DERA: variants seen among roughly 807,000 people sequenced by gnomAD.
The protein encoded by DERA is 2-deoxy-D-ribose 5-phosphate aldolase.
A neutral mutation model predicts 41.1 loss-of-function variants in DERA; 15 were observed. The observed-to-expected ratio is 0.37, with a 90% CI of 0.24 to 0.56. The LOEUF is 0.56. DERA is among the 20% of genes least tolerant of loss of function. The pLI, the probability that DERA is intolerant of heterozygous loss-of-function variation, is 0.81. For missense variants in DERA, 396 were observed against 403.4 expected (o/e 0.98, Z 0.16); for synonymous variants, 139 against 137.4 (o/e 1.01, Z -0.08).
intron 1 of DERA, among the ~76,000 whole-genome samples, chr12:15,920,881 G>A (rs1948238696): frequency 6.6e-6 from 1 of 152,176 alleles, no homozygotes; most frequent in Admixed American, 6.5e-5. Flanking sequence ...TTGTATTATG[G>A]GGAGAAAGCC....
chr12:16,034,985 A>G (rs1037858639), intron 7 of DERA, among the ~76,000 whole-genome samples: 4 of 152,210 alleles, frequency 2.6e-5, no homozygotes, highest in Non-Finnish European at 5.9e-5. Flanking sequence ...CCAGAGTAAT[A>G]GCAGATATGG....
intron 6 of DERA, among the ~76,000 whole-genome samples, chr12:16,025,121 G>T (rs950056591): frequency 2.6e-5 from 4 of 151,980 alleles, no homozygotes; most frequent in Admixed American, 2.0e-4. Context: ...GCTCAATTAA[G>T]CCAGGAAAGG....
At position 15,911,530 on chromosome 12, in the gene DERA, T is replaced by A. The variant is rs767424645; in HGVS notation, c.31+116T>A. On this transcript the variant is annotated intron_variant, in intron 1 of 8. Coordinates refer to ENST00000428559, the MANE Select transcript of DERA (RefSeq NM_015954.4). This position sits in a 1 kb window ranked among gnomAD's most constrained non-coding sequence, Gnocchi z 4.5. ...CTGTGGGTCCCCGAGGGGTTTTCGC[T>A]GGGGCGGGAAGCAGTGGCGTCTGGT... 1.8e-6 allele frequency: 2 copies of A among 1,088,816 alleles called. No homozygotes were observed. Among genetic ancestry groups the A allele is most frequent in the South Asian group, 1.6e-5 (1 of 61,554 alleles). 67.4% of individuals were successfully genotyped at this position (1,088,816 alleles called of 1,614,324 possible). A position where few individuals can be genotyped will look rare whatever the true frequency, so the allele number is the denominator to read the frequency against.
rs773245694 is a variant in DERA, at chr12:15,936,509, C to T, written c.32-20427C>T. 6.6e-6 allele frequency among the ~76,000 whole-genome samples: 1 copy of T among 152,196 alleles called. No homozygotes were observed. Among genetic ancestry groups the T allele is most frequent in the African/African-American group, 2.4e-5 (1 of 41,460 alleles). On this transcript the variant is annotated intron_variant, in intron 1 of 8. Coordinates refer to ENST00000428559, the MANE Select transcript of DERA (RefSeq NM_015954.4). The surrounding 1 kb of genome is among the most constrained non-coding windows in gnomAD (Gnocchi z 4.6). ...TTCACTCATAGACATAAAAAGTTTG[C>T]ACTTTAAAGAAATTAATATATTTTC...
intron 1 of DERA, among the ~76,000 whole-genome samples, chr12:15,952,604 T>A (rs1439609424): frequency 6.6e-6 from 1 of 152,240 alleles, no homozygotes; most frequent in Non-Finnish European, 1.5e-5. Flanking sequence ...ACCCCAAATA[T>A]TATAATTTCA....
At position 15,988,629 on chromosome 12, in the gene DERA, A is replaced by G. The variant is rs1304747777; in HGVS notation, c.637+6193A>G. ...GCACCATCGGACTGCCTGAATGGTC[A>G]TCAATGAAGTTCTCACTCCAGGCTG... On this transcript the variant is annotated intron_variant, in intron 6 of 8. Transcript: ENST00000428559. The surrounding 1 kb of genome is among the most constrained non-coding windows in gnomAD (Gnocchi z 6.0). Among the ~76,000 whole-genome samples the G allele has an allele frequency of 1.3e-5, 2 of 152,142 alleles. No homozygotes were observed. The highest frequency in any genetic ancestry group is 2.9e-5 in the Non-Finnish European group (2 of 68,010).
intron 6 of DERA, among the ~76,000 whole-genome samples, chr12:15,997,333 G>A (rs755027805): frequency 6.6e-6 from 1 of 152,060 alleles, no homozygotes; most frequent in Non-Finnish European, 1.5e-5. Flanking sequence ...AATATTTGCA[G>A]GCTTCTAGGA....
At position 16,037,018 on chromosome 12, in the gene DERA, A is replaced by G; in HGVS notation, c.*272A>G. 1 of 368,050 alleles carries G rather than the reference A, an allele frequency of 2.7e-6. No individual in the cohort carries two copies. 22.8% of individuals were successfully genotyped at this position (368,050 alleles called of 1,614,324 possible). On this transcript the variant is annotated 3_prime_UTR_variant, in exon 9 of 9. Transcript: ENST00000428559. The surrounding 1 kb of genome is among the most constrained non-coding windows in gnomAD (Gnocchi z 6.7). ...CCTAAAAACTTTAAGTAAAATGTTA[A>G]TGGTAGCTTTGATAACATCAAATTC...
intron 5 of DERA, among the ~76,000 whole-genome samples, chr12:15,968,691 A>G (rs765420781): frequency 6.6e-6 from 1 of 152,216 alleles, no homozygotes; most frequent in Non-Finnish European, 1.5e-5. Flanking sequence ...AGATAATGAC[A>G]TCTACTTCAC....
chr12:15,979,706 T>C (rs889388783), intron 5 of DERA, among the ~76,000 whole-genome samples: 2 of 152,232 alleles, frequency 1.3e-5, no homozygotes, highest in Admixed American at 1.3e-4. Context: ...AAGACATTGG[T>C]TGCATATTTG....
At chr12:15,960,502 G>T (rs888955249) in intron 4 of DERA, among the ~76,000 whole-genome samples, 5 of 151,264 alleles carry the variant, frequency 3.3e-5, no homozygotes, top group Admixed American at 6.6e-5. Flanking sequence ...GCCAGGCATG[G>T]TGGCAGGTGC....
rs866923494 is a variant in DERA, at chr12:15,996,153, G to C, written c.637+13717G>C. ...ATATGCAGACACAGACACACACACA[G>C]AGCATGTGTGTGTGTGTGTGTGTGT... On this transcript the variant is annotated intron_variant, in intron 6 of 8. Coordinates refer to ENST00000428559, the MANE Select transcript of DERA (RefSeq NM_015954.4). This position sits in a 1 kb window ranked among gnomAD's most constrained non-coding sequence, Gnocchi z 4.7. Among the ~76,000 whole-genome samples the C allele has an allele frequency of 1.5e-4, 19 of 122,716 alleles. No individual in the cohort carries two copies. The highest frequency in any genetic ancestry group is 4.8e-4 in the African/African-American group (15 of 31,442). The allele number at this position is 122,716 out of a possible 152,430, so 80.5% of individuals were successfully genotyped here.
At position 16,017,916 on chromosome 12, in the gene DERA, A is replaced by G. The variant is rs1017461795; in HGVS notation, c.638-14626A>G. Among the ~76,000 whole-genome samples, 1 of 152,224 alleles carries G rather than the reference A, an allele frequency of 6.6e-6. No individual in the cohort carries two copies. Among genetic ancestry groups the G allele is most frequent in the African/African-American group, 2.4e-5 (1 of 41,468 alleles). ...CAAGCAGCAGTTGATTTGAAATCCTACTTTTCATTAGTGAAGTATAAAATG... is the reference window on the plus strand; with the variant it reads ...CAAGCAGCAGTTGATTTGAAATCCTGCTTTTCATTAGTGAAGTATAAAATG... On this transcript the variant is annotated intron_variant, in intron 6 of 8. Transcript: ENST00000428559. The surrounding 1 kb of genome is among the most constrained non-coding windows in gnomAD (Gnocchi z 5.5).
At chr12:16,022,612 G>C (rs1191655597) in intron 6 of DERA, among the ~76,000 whole-genome samples, 2 of 152,248 alleles carry the variant, frequency 1.3e-5, no homozygotes, top group East Asian at 3.9e-4. Context: ...CCTGTCCTTA[G>C]AGCAAGAAAA....
chr12:15,912,351 C>T (rs555290232), intron 1 of DERA, among the ~76,000 whole-genome samples: 68 of 152,294 alleles, frequency 4.5e-4, no homozygotes, highest in African/African-American at 1.5e-3. Flanking sequence ...CACAGATCAA[C>T]AGGATCCCAA....
In DERA at chr12:15,996,785, C is replaced by T. The variant is rs1433586572; in HGVS notation, c.637+14349C>T. ...GAAGTTAGAGAAAAATATTTTGACT[C>T]AAACCCAGCAAACTTGAATTCAGGT... On this transcript the variant is annotated intron_variant, in intron 6 of 8. Coordinates refer to ENST00000428559, the MANE Select transcript of DERA (RefSeq NM_015954.4). This position sits in a 1 kb window ranked among gnomAD's most constrained non-coding sequence, Gnocchi z 4.7. Among the ~76,000 whole-genome samples the T allele has an allele frequency of 6.6e-6, 1 of 152,162 alleles. No homozygotes were observed. Among genetic ancestry groups the T allele is most frequent in the African/African-American group, 2.4e-5 (1 of 41,432 alleles).
At chr12:16,031,225 A>G (rs927134843) in intron 6 of DERA, among the ~76,000 whole-genome samples, 6 of 152,216 alleles carry the variant, frequency 3.9e-5, no homozygotes, top group South Asian at 2.1e-4. Context: ...TGCGGGGTTT[A>G]CGTTTCATCT....
rs1315961375 is a variant in DERA at position 15,958,223 on chromosome 12, T to C, written c.165T>C (p.Asp55=). ...TCCTGAAAGCTGTTACCTTTATAGA[T>C]CTTACTACACTTTCAGGTGATGATA... is the stretch of plus-strand genomic sequence containing the variant. The part of the protein sequence containing the change: ...AWLLKAVTFI[D]LTTLSGDDTS... Residue 55 remains aspartate (D), a synonymous_variant, in exon 3 of 9, where the codon GAT becomes GAC. Coordinates refer to ENST00000428559, the MANE Select transcript of DERA (RefSeq NM_015954.4). 1.3e-6 allele frequency: 2 copies of C among 1,588,010 alleles called. No individual in the cohort carries two copies. The highest frequency in any genetic ancestry group is 1.7e-6 in the Non-Finnish European group (2 of 1,166,188).
intron 6 of DERA, among the ~76,000 whole-genome samples, chr12:16,029,341 T>G (rs1391416364): frequency 2.0e-5 from 3 of 152,056 alleles, no homozygotes; most frequent in Non-Finnish European, 4.4e-5. Flanking sequence ...GAGAATGGCG[T>G]GAACCCGGGA....
Sources: gnomAD v4.1 joint callset for allele counts (sites outside exome capture counted in the v4.1 genomes callset) on GRCh38, gnomAD v4.1.1 for gene constraint, Gnocchi (gnomAD v3.1) non-coding constraint, MANE v1.5 for transcripts, NCBI Gene and HGNC (gene_info 2026-07-23, HGNC 2026-07-21) for gene names.